The following DNMT3A variants were observed in gnomAD, a reference collection of about 807,000 sequenced individuals.
DNMT3A encodes the protein DNA (cytosine-5)-methyltransferase 3A.
In DNMT3A, 267 loss-of-function variants were observed where a neutral mutation model predicts 117.6. The observed-to-expected ratio is 2.27, with a 90% CI of 2.05 to 2.51. DNMT3A has a LOEUF of 2.51. Ranked by LOEUF, DNMT3A falls within the 30% of genes most tolerant of loss-of-function variation. The pLI is 0.00. For synonymous variants in DNMT3A, 432 were observed against 474.8 expected, an observed-to-expected ratio of 0.91 and a Z score of 1.17; for missense variants, 1,029 against 1,260.2, an observed-to-expected ratio of 0.82 and a Z score of 2.78.
At chr2:25,324,191 T>A (rs770192130) in intron 1 of DNMT3A, among the ~76,000 whole-genome samples, 1 of 152,244 alleles carries the variant, frequency 6.6e-6, no homozygotes, top group Non-Finnish European at 1.5e-5. Flanking sequence ...CATTCATTCA[T>A]GCAGCTATTT....
chr2:25,300,308 G>C (rs2033357388), intron 2 of DNMT3A, 65 bp from the exon 3 acceptor site: 4 of 1,538,854 alleles, frequency 2.6e-6, no homozygotes. Context: ...TTCCAGGCCT[G>C]TCTGGGGCTG....
rs1028802322 is a variant in DNMT3A at position 25,231,058 on chromosome 2, A to G, written c.*3221T>C. ...CCGGTGGAGCTTGGGCCGCTGGGAA[A>G]GGCTAACTGTCACTAAGCAGTGGCT... On this transcript the variant is annotated 3_prime_UTR_variant, in exon 23 of 23. Coordinates refer to ENST00000321117, the MANE Select transcript of DNMT3A (RefSeq NM_022552.5). The G allele has an allele frequency of 3.9e-5, 6 of 152,292 alleles. No individual in the cohort carries two copies. Among genetic ancestry groups the G allele is most frequent in the African/African-American group, 1.2e-4 (5 of 41,460 alleles). The allele number at this position is 152,292 out of a possible 1,614,324, so 9.4% of individuals were successfully genotyped here.
chr2:25,329,601 T>C (rs1397331950), intron 1 of DNMT3A, among the ~76,000 whole-genome samples: 1 of 151,124 alleles, frequency 6.6e-6, no homozygotes, highest in African/African-American at 2.4e-5. Context: ...GCCACTAGAA[T>C]GGGGAATGTA....
chr2:25,276,402 G>A (rs2031411568), intron 4 of DNMT3A, among the ~76,000 whole-genome samples: 1 of 152,206 alleles, frequency 6.6e-6, no homozygotes, highest in African/African-American at 2.4e-5. Context: ...CTGGCATACT[G>A]TAGGTGCTCA....
At chr2:25,292,147 T>C (rs1003294522) in intron 3 of DNMT3A, among the ~76,000 whole-genome samples, 1 of 151,908 alleles carries the variant, frequency 6.6e-6, no homozygotes, top group African/African-American at 2.4e-5. Flanking sequence ...TGCTCTCACA[T>C]TGTGTAGTGT....
chr2:25,319,865 G>T (rs973699022), intron 1 of DNMT3A, among the ~76,000 whole-genome samples: 2 of 151,834 alleles, frequency 1.3e-5, no homozygotes, highest in African/African-American at 4.8e-5. Flanking sequence ...TGCCTTGTGG[G>T]TTCAAGCAAT....
chr2:25,255,755 A>G (rs555105760), intron 6 of DNMT3A, among the ~76,000 whole-genome samples: 1 of 152,230 alleles, frequency 6.6e-6, no homozygotes, highest in African/African-American at 2.4e-5. Context: ...CCTGTTATCA[A>G]TTGGTAAATC....
chr2:25,253,945 G>A (rs1347822478), intron 6 of DNMT3A, among the ~76,000 whole-genome samples: 3 of 152,032 alleles, frequency 2.0e-5, no homozygotes, highest in East Asian at 1.9e-4. Context: ...GGTGGCGTGC[G>A]CCAGTAATCC....
Position 25,330,766 on chromosome 2 carries a change from C to G in DNMT3A, c.-178+11060G>C, listed in dbSNP as rs1237775358. On this transcript the variant is annotated intron_variant, in intron 1 of 22. Transcript: ENST00000321117. Reference sequence around the variant, plus strand: ...CCCCCTGTCCCCCATGCCCTCTGCTCTCCCGGACAGCTCTGCACAGACCCT... The same window carrying G: ...CCCCCTGTCCCCCATGCCCTCTGCTGTCCCGGACAGCTCTGCACAGACCCT... 2.0e-5 allele frequency among the ~76,000 whole-genome samples: 3 copies of G among 152,344 alleles called. No homozygotes were observed. The East Asian group carries it at 5.8e-4, about 29-fold the overall frequency.
At chr2:25,266,239 T>C (rs1307900431) in intron 6 of DNMT3A, among the ~76,000 whole-genome samples, 1 of 152,246 alleles carries the variant, frequency 6.6e-6, no homozygotes, top group Non-Finnish European at 1.5e-5. Flanking sequence ...GTATACTTGC[T>C]GTGCCTACTC....
chr2:25,329,960 C>A (rs895716357), intron 1 of DNMT3A, among the ~76,000 whole-genome samples: 2 of 152,204 alleles, frequency 1.3e-5, no homozygotes, highest in Non-Finnish European at 2.9e-5. Flanking sequence ...CCATTCATAA[C>A]ATTGTTCTGA....
chr2:25,323,803 C>A (rs2034689697), intron 1 of DNMT3A, among the ~76,000 whole-genome samples: 1 of 152,206 alleles, frequency 6.6e-6, no homozygotes, highest in South Asian at 2.1e-4. Flanking sequence ...ACAATGTCAA[C>A]ATCTCATTAA....
intron 2 of DNMT3A, among the ~76,000 whole-genome samples, chr2:25,301,482 C>G (rs2033512121): frequency 6.6e-6 from 1 of 152,102 alleles, no homozygotes; most frequent in African/African-American, 2.4e-5. Flanking sequence ...CTTGCATTCA[C>G]CGAGTTTGGA....
intron 2 of DNMT3A, among the ~76,000 whole-genome samples, chr2:25,300,701 CTAAATAATATA>C (rs2033406710): frequency 3.5e-5 from 1 of 28,736 alleles, no homozygotes; most frequent in East Asian, 1.1e-3. Context: ...ATTTATATAT[CTAAATAATATA>C]ATATATATAT....
chr2:25,299,803 T>C (rs1307554557), intron 3 of DNMT3A, among the ~76,000 whole-genome samples: 1 of 152,142 alleles, frequency 6.6e-6, no homozygotes, highest in Non-Finnish European at 1.5e-5. Flanking sequence ...TGGTGGCGCG[T>C]GCCTGTAATC....
chr2:25,332,189 C>T (rs985456606), intron 1 of DNMT3A, among the ~76,000 whole-genome samples: 4 of 152,222 alleles, frequency 2.6e-5, no homozygotes, highest in East Asian at 3.8e-4. Flanking sequence ...GCCCAACGTC[C>T]GTTCATAACA....
chr2:25,319,496 A>G (rs1017643086), intron 1 of DNMT3A, among the ~76,000 whole-genome samples: 1 of 152,122 alleles, frequency 6.6e-6, no homozygotes, highest in African/African-American at 2.4e-5. Context: ...CTCCTTTCCC[A>G]GGAAGGACAG....
intron 6 of DNMT3A, among the ~76,000 whole-genome samples, chr2:25,266,594 C>G (rs1325451174): frequency 6.6e-6 from 1 of 152,158 alleles, no homozygotes; most frequent in Non-Finnish European, 1.5e-5. Flanking sequence ...CTCCTCAGGG[C>G]AGACAGGAAG....
intron 1 of DNMT3A, among the ~76,000 whole-genome samples, chr2:25,319,653 C>T (rs777485587): frequency 6.6e-6 from 1 of 152,210 alleles, no homozygotes; most frequent in East Asian, 1.9e-4. Flanking sequence ...GCACGAGTGC[C>T]GTCATCACCA....
Sources: allele counts gnomAD v4.1 joint callset (sites outside exome capture counted in the v4.1 genomes callset), GRCh38; gene constraint gnomAD v4.1.1; transcripts MANE v1.5; gene names NCBI Gene and HGNC (gene_info 2026-07-23, HGNC 2026-07-21).